The following C21orf58 variants were observed in gnomAD, a reference collection of about 807,000 sequenced individuals.
C21orf58 encodes the protein chromosome 21 open reading frame 58.
Under a neutral mutation model 35.8 loss-of-function variants are expected in C21orf58, and 34 were observed. The ratio of observed to expected loss-of-function variants is 0.95; its 90% CI spans 0.72 to 1.26. C21orf58 has a LOEUF of 1.26. C21orf58 is among the 50% of genes most tolerant of loss of function. C21orf58 has a pLI of 0.00. For synonymous variants in C21orf58, 191 were observed against 175.8 expected, an observed-to-expected ratio of 1.09 and a Z score of -0.68; for missense variants, 440 against 414.3, an observed-to-expected ratio of 1.06 and a Z score of -0.54.
chr21:46,317,621 T>C (rs1368309827), intron 2 of C21orf58, among the ~76,000 whole-genome samples: 4 of 152,356 alleles, frequency 2.6e-5, no homozygotes, highest in Middle Eastern at 3.4e-3. Context: ...AACCCTGAGC[T>C]GAGCAGCTAC....
At chr21:46,316,389 G>A (rs118098334) in intron 3 of C21orf58, among the ~76,000 whole-genome samples, 5,011 of 152,292 alleles carry the variant, frequency 0.033, 131 homozygotes, top group Middle Eastern at 0.088. Flanking sequence ...CTCAGAGGCG[G>A]AGGTTGCAGT....
intron 1 of C21orf58, among the ~76,000 whole-genome samples, chr21:46,320,053 T>C (rs918692096): frequency 6.6e-6 from 1 of 152,134 alleles, no homozygotes; most frequent in Admixed American, 6.5e-5. Flanking sequence ...TAAGCAACTG[T>C]ATAGAGCACC....
intron 2 of C21orf58, 23 bp downstream of exon 2, chr21:46,317,989 G>T (rs377106921): frequency 6.2e-7 from 1 of 1,611,562 alleles, no homozygotes. Context: ...TTAAAAACAG[G>T]AGCATCCCGG....
intron 1 of C21orf58, chr21:46,318,975 G>T: frequency 2.1e-6 from 1 of 483,596 alleles, no homozygotes; most frequent in Non-Finnish European, 2.7e-6. Flanking sequence ...TGGACCCGAG[G>T]GGCAGAGGTC....
chr21:46,312,174 G>T (rs2082759218), intron 5 of C21orf58, among the ~76,000 whole-genome samples: 1 of 152,090 alleles, frequency 6.6e-6, no homozygotes, highest in African/African-American at 2.4e-5. Flanking sequence ...CTGAATAAAT[G>T]GTTGAATGGA....
intron 6 of C21orf58, among the ~76,000 whole-genome samples, chr21:46,309,618 G>A (rs1346204789): frequency 2.0e-5 from 3 of 152,130 alleles, no homozygotes; most frequent in East Asian, 1.9e-4. Context: ...TACACCCAAC[G>A]ACAGTGATGA....
chr21:46,302,938 G>A (rs1376730847), intron 6 of C21orf58, among the ~76,000 whole-genome samples: 3 of 147,394 alleles, frequency 2.0e-5, no homozygotes, highest in Non-Finnish European at 4.5e-5. Flanking sequence ...GCGGGTCCCC[G>A]GGGCGCGCCC....
chr21:46,318,020 A>G lies in C21orf58; in HGVS notation c.301T>C (p.Leu101=). 6.2e-7 allele frequency: 1 copy of G among 1,613,352 alleles called. No individual in the cohort carries two copies. Among genetic ancestry groups the G allele is most frequent in the Non-Finnish European group, 8.5e-7 (1 of 1,179,972 alleles). The change falls in exon 2 of 8, where the codon TTG becomes CTG. Residue 101 remains leucine (L), a synonymous_variant. Transcript: ENST00000291691. ...CCCGGGCTCTGCCTCACCTGTCCCA[A>G]GAGCTTCAGCGTCAGTCGGGTCACT... The part of the protein sequence containing the change: ...EQVTRLTLKL[L]GQKLEQERQN...
Position 46,318,031 on chromosome 21 carries a change from G to C in C21orf58, c.290C>G (p.Thr97Arg), listed in dbSNP as rs756981329. The C allele has an allele frequency of 1.9e-6, 3 of 1,613,422 alleles. No individual in the cohort carries two copies. The highest frequency in any genetic ancestry group is 2.2e-5 in the South Asian group (2 of 91,090). ...CCTCACCTGTCCCAAGAGCTTCAGC[G>C]TCAGTCGGGTCACTTGCTCTGCTGC... ...SSAAEQVTRLTLKLLGQKLEQ... is the reference protein window; with the variant it reads ...SSAAEQVTRLRLKLLGQKLEQ... Residue 97 changes from threonine to arginine, a missense_variant, in exon 2 of 8, where the codon ACG (threonine) becomes AGG (arginine). Thr to Arg is a moderately conservative substitution (Grantham distance 71, BLOSUM62 -1). Coordinates refer to ENST00000291691, the MANE Select transcript of C21orf58 (RefSeq NM_058180.5).
intron 5 of C21orf58, 148 bp downstream of exon 5, chr21:46,314,568 C>T (rs1459793537): frequency 3.2e-6 from 2 of 622,722 alleles, no homozygotes; most frequent in Non-Finnish European, 5.4e-6. Context: ...CCCAGGCAGG[C>T]AGCTGGCCCC....
chr21:46,308,064 G>T (rs1480778366), intron 6 of C21orf58, among the ~76,000 whole-genome samples: 2 of 151,856 alleles, frequency 1.3e-5, no homozygotes, highest in African/African-American at 4.8e-5. Context: ...CACGATTTCT[G>T]CTCACTGCAG....
chr21:46,318,361 TGCGTCCTCA>T (rs904894327), intron 1 of C21orf58, 141 bp from the exon 2 acceptor site: 3 of 1,465,682 alleles, frequency 2.0e-6, no homozygotes, highest in Non-Finnish European at 2.7e-6. Flanking sequence ...GTTTCCACTG[TGCGTCCTCA>T]GGCTACCGGT....
At chr21:46,316,147 T>C (rs2082969992) in intron 3 of C21orf58, among the ~76,000 whole-genome samples, 1 of 151,724 alleles carries the variant, frequency 6.6e-6, no homozygotes, top group South Asian at 2.1e-4. Context: ...AGACCAACCC[T>C]GTCTCAGGAA....
intron 6 of C21orf58, among the ~76,000 whole-genome samples, chr21:46,303,951 C>T (rs2145921630): frequency 6.9e-6 from 1 of 144,516 alleles, no homozygotes; most frequent in East Asian, 2.0e-4. Context: ...TGGGGTTTCA[C>T]CGTGTTAGCC....
downstream of C21orf58, chr21:46,300,576 G>A (rs990382414): frequency 2.9e-5 from 31 of 1,062,814 alleles, 1 homozygote; most frequent in South Asian, 2.2e-4. Flanking sequence ...CGAAAAGATG[G>A]TTCTGAGAGA....
Position 46,318,101 on chromosome 21 carries a change from G to A in C21orf58, c.220C>T (p.Pro74Ser). 1.2e-6 allele frequency: 2 copies of A among 1,613,264 alleles called. No homozygotes were observed. Among genetic ancestry groups the A allele is most frequent in the Non-Finnish European group, 1.7e-6 (2 of 1,180,002 alleles). Residue 74 changes from proline (P) to serine (S), a missense_variant, in exon 2 of 8, where the codon CCC becomes TCC. By Grantham distance (74) the Pro-to-Ser change is moderately conservative. Transcript: ENST00000291691. ...GGAGCTGCAGGAGACGACTGTAGGG[G>A]CAGGGGAGGCCACAGCCCACCTCCC... The part of the protein sequence containing the change: ...REGGGLWPPL[P>S]LQSSPAAPTM...
chr21:46,304,495 A>G (rs1181098097), intron 6 of C21orf58, among the ~76,000 whole-genome samples: 1 of 151,990 alleles, frequency 6.6e-6, no homozygotes, highest in Admixed American at 6.5e-5. Context: ...CTTAGAAAAA[A>G]AAAAACCTCA....
intron 6 of C21orf58, among the ~76,000 whole-genome samples, chr21:46,307,953 G>A (rs1363917856): frequency 6.6e-6 from 1 of 152,128 alleles, no homozygotes; most frequent in Non-Finnish European, 1.5e-5. Flanking sequence ...TTACTAGTGA[G>A]AATATTAAAT....
intron 6 of C21orf58, among the ~76,000 whole-genome samples, chr21:46,306,288 C>G (rs1355311731): frequency 6.6e-6 from 1 of 152,032 alleles, no homozygotes; most frequent in Non-Finnish European, 1.5e-5. Context: ...GAGGGTGGAT[C>G]ATGAGGTTCA....
Sources: allele counts gnomAD v4.1 joint callset (sites outside exome capture counted in the v4.1 genomes callset), GRCh38; gene constraint gnomAD v4.1.1; transcripts MANE v1.5; gene names NCBI Gene and HGNC (gene_info 2026-07-23, HGNC 2026-07-21).